The following TRAF3 variants were observed in gnomAD, a reference collection of about 807,000 sequenced individuals.
The protein encoded by TRAF3 is TNF receptor associated factor 3.
TRAF3 carries 13 observed loss-of-function variants against 62.3 expected under a neutral mutation model. The ratio of observed to expected loss-of-function variants is 0.21; its 90% confidence interval spans 0.14 to 0.33. TRAF3 has a LOEUF of 0.33. TRAF3 is among the 10% of genes least tolerant of loss of function. The pLI is 1.00. For synonymous variants in TRAF3, 269 were observed against 283.4 expected (o/e 0.95, Z 0.51); for missense variants, 440 against 741.8 (o/e 0.59, Z 4.73).
intron 10 of TRAF3, among the ~76,000 whole-genome samples, chr14:102,900,271 G>A (rs939710607): frequency 4.0e-5 from 6 of 151,436 alleles, no homozygotes; most frequent in Non-Finnish European, 8.8e-5. Context: ...GGAAGGCCGA[G>A]GCGGGTGGAT....
chr14:102,796,315 C>T (rs1427682214), intron 1 of TRAF3, among the ~76,000 whole-genome samples: 1 of 152,262 alleles, frequency 6.6e-6, no homozygotes, highest in African/African-American at 2.4e-5. Flanking sequence ...CATGGAGGCT[C>T]CCGCCTGGCC....
chr14:102,859,090 G>C (rs55976509), intron 2 of TRAF3, among the ~76,000 whole-genome samples: 37 of 151,834 alleles, frequency 2.4e-4, no homozygotes, highest in African/African-American at 8.2e-4. Flanking sequence ...TTCACACACA[G>C]AATTTCTTTT....
In TRAF3 at chr14:102,905,918, C is replaced by G. The variant is rs1354070539; in HGVS notation, c.*134C>G. ...GGAAGCGGCAGAAGGCGGACGCGTG[C>G]CGGCGGGAGGAGCCACGCGTGAGCA... On this transcript the variant is annotated 3_prime_UTR_variant, in exon 12 of 12. Coordinates refer to ENST00000392745, the MANE Select transcript of TRAF3 (RefSeq NM_145725.3). 3 of 786,238 alleles carry G rather than the reference C, an allele frequency of 3.8e-6. No homozygotes were observed. Among genetic ancestry groups the G allele is most frequent in the Non-Finnish European group, 2.0e-6 (1 of 495,608 alleles). The allele number at this position is 786,238 out of a possible 1,614,324, so 48.7% of individuals were successfully genotyped here.
chr14:102,861,860 T>G (rs372950368), intron 2 of TRAF3, among the ~76,000 whole-genome samples: 2 of 152,350 alleles, frequency 1.3e-5, no homozygotes, highest in African/African-American at 4.8e-5. Flanking sequence ...GGAGAAACGT[T>G]TATACAGATC....
chr14:102,790,969 A>G (rs895233491), intron 1 of TRAF3, among the ~76,000 whole-genome samples: 23 of 151,616 alleles, frequency 1.5e-4, no homozygotes, highest in African/African-American at 5.6e-4. Flanking sequence ...GGGGGTTGCA[A>G]TCTTAACAGT....
chr14:102,892,268 G>A (rs1024400164), intron 9 of TRAF3, among the ~76,000 whole-genome samples: 1 of 152,182 alleles, frequency 6.6e-6, no homozygotes, highest in Non-Finnish European at 1.5e-5. Context: ...ATGTTGGTCA[G>A]GCTGGTCTCA....
At chr14:102,825,970 C>T (rs1021996458) in intron 1 of TRAF3, among the ~76,000 whole-genome samples, 3 of 152,336 alleles carry the variant, frequency 2.0e-5, no homozygotes, top group Non-Finnish European at 4.4e-5. Context: ...GGAATTTACG[C>T]GGAGGCATGT....
intron 9 of TRAF3, among the ~76,000 whole-genome samples, chr14:102,894,191 G>T (rs1046081418): frequency 2.6e-5 from 4 of 152,090 alleles, no homozygotes; most frequent in African/African-American, 9.7e-5. Flanking sequence ...GCTAGGAGTG[G>T]TGGTGTGCGC....
chr14:102,798,868 C>T (rs956076121), intron 1 of TRAF3, among the ~76,000 whole-genome samples: 2 of 152,184 alleles, frequency 1.3e-5, no homozygotes, highest in African/African-American at 4.8e-5. Flanking sequence ...ATTCTGTGTT[C>T]TCAGGAAATT....
intron 1 of TRAF3, among the ~76,000 whole-genome samples, chr14:102,824,955 T>C (rs1315063241): frequency 6.6e-6 from 1 of 152,248 alleles, no homozygotes; most frequent in African/African-American, 2.4e-5. Context: ...TAGACACGAT[T>C]CTCTTCCTGC....
chr14:102,796,802 A>C (rs756469842), intron 1 of TRAF3, among the ~76,000 whole-genome samples: 1 of 152,158 alleles, frequency 6.6e-6, no homozygotes, highest in African/African-American at 2.4e-5. Flanking sequence ...GTAAAATGTT[A>C]TGTATATATT....
intron 2 of TRAF3, among the ~76,000 whole-genome samples, chr14:102,842,640 A>G (rs1425696846): frequency 6.6e-6 from 1 of 152,236 alleles, no homozygotes; most frequent in Admixed American, 6.5e-5. Context: ...AACTCCAAAC[A>G]GAGCAAATAT....
At chr14:102,827,148 C>T (rs1034824777) in intron 1 of TRAF3, among the ~76,000 whole-genome samples, 1 of 152,212 alleles carries the variant, frequency 6.6e-6, no homozygotes, top group African/African-American at 2.4e-5. Flanking sequence ...GTCCTTCAGC[C>T]CCTTTTCAAT....
At chr14:102,792,180 A>G (rs1897835557) in intron 1 of TRAF3, among the ~76,000 whole-genome samples, 1 of 137,096 alleles carries the variant, frequency 7.3e-6, no homozygotes, top group Non-Finnish European at 1.5e-5. Context: ...GCTGGAGTAC[A>G]GTGATGTGAT....
rs962770237 is a variant in TRAF3 at position 102,867,901 on chromosome 14, G to C, written c.-17-2284G>C. 3.1e-4 allele frequency among the ~76,000 whole-genome samples: 47 copies of C among 152,330 alleles called. 2 individuals carry two copies. The highest frequency in any genetic ancestry group is 6.8e-3 in the Middle Eastern group (2 of 294). On this transcript the variant is annotated intron_variant, in intron 2 of 11. Transcript: ENST00000392745. ...TATGAAGCTAACCCAAGTGTGGCTA[G>C]AACGCCAGTTCATCCATCTCTCAAA... is the stretch of plus-strand genomic sequence containing the variant.
chr14:102,895,616 A>T (rs1889965011), intron 9 of TRAF3, among the ~76,000 whole-genome samples: 1 of 152,172 alleles, frequency 6.6e-6, no homozygotes, highest in Admixed American at 6.5e-5. Context: ...GGTGGAGACC[A>T]CCACCCCAAT....
intron 2 of TRAF3, among the ~76,000 whole-genome samples, chr14:102,844,173 T>C (rs1333777888): frequency 6.6e-6 from 1 of 152,270 alleles, no homozygotes; most frequent in Admixed American, 6.5e-5. Context: ...TTAATTGACC[T>C]ATACAGTTCT....
chr14:102,783,260 T>G (rs1566733886), intron 1 of TRAF3, among the ~76,000 whole-genome samples: 1 of 152,130 alleles, frequency 6.6e-6, no homozygotes, highest in African/African-American at 2.4e-5. Context: ...TTCCTGGAGG[T>G]CAGGCTTCCA....
chr14:102,852,874 A>C (rs117452846), intron 2 of TRAF3, among the ~76,000 whole-genome samples: 2,606 of 151,032 alleles, frequency 0.017, 28 homozygotes, highest in Middle Eastern at 0.031. Flanking sequence ...GCTAATTTTT[A>C]TTTTATTTTT....
Sources: allele counts gnomAD v4.1 joint callset (sites outside exome capture counted in the v4.1 genomes callset), GRCh38; gene constraint gnomAD v4.1.1; transcripts MANE v1.5; gene names NCBI Gene and HGNC (gene_info 2026-07-23, HGNC 2026-07-21).